The following UMAD1 variants were observed in gnomAD, a reference collection of about 807,000 sequenced individuals.
The protein encoded by UMAD1 is UBAP1-MVB12-associated (UMA)-domain containing protein 1.
UMAD1 carries 8 observed loss-of-function variants against 6.1 expected under a neutral mutation model. The observed-to-expected ratio is 1.30, with a 90% confidence interval of 0.76 to 2.35. The LOEUF (loss-of-function observed/expected upper bound fraction) is 2.35, where lower values mean the gene tolerates loss of function less well. Ranked by LOEUF, UMAD1 falls within the 30% of genes most tolerant of loss-of-function variation. The pLI is 0.00. For missense variants in UMAD1, 130 were observed against 78.4 expected, an observed-to-expected ratio of 1.66 and a Z score of -2.49; for synonymous variants, 56 against 31.4, an observed-to-expected ratio of 1.78 and a Z score of -2.61.
At chr7:7,718,626 T>C (rs1780979400) in intron 2 of UMAD1, 5 of 152,220 alleles carry the variant, frequency 3.3e-5, no homozygotes, top group Admixed American at 3.3e-4. Context: ...CTGATGATGC[T>C]AGGATTTTAT....
At chr7:7,758,296 A>G (rs1781819629) in intron 2 of UMAD1, among the ~76,000 whole-genome samples, 1 of 152,088 alleles carries the variant, frequency 6.6e-6, no homozygotes, top group African/African-American at 2.4e-5. Context: ...AGCCTATCCC[A>G]GTGGTCTTGA....
intron 3 of UMAD1, among the ~76,000 whole-genome samples, chr7:7,802,227 A>G (rs1297377399): frequency 6.6e-6 from 1 of 152,214 alleles, no homozygotes; most frequent in African/African-American, 2.4e-5. Context: ...AAAATATAAA[A>G]ATTAGCTGGG....
intron 2 of UMAD1, among the ~76,000 whole-genome samples, chr7:7,797,296 C>T (rs1782705200): frequency 6.6e-6 from 1 of 152,174 alleles, no homozygotes. Context: ...CAAACACCTC[C>T]CAGCAGGCCC....
intron 2 of UMAD1, among the ~76,000 whole-genome samples, chr7:7,783,423 A>G (rs1184397658): frequency 6.6e-6 from 1 of 152,084 alleles, no homozygotes; most frequent in Non-Finnish European, 1.5e-5. Flanking sequence ...TAAAAGAGAA[A>G]TTCAGATGCT....
intron 2 of UMAD1, among the ~76,000 whole-genome samples, chr7:7,699,871 A>G (rs1780414592): frequency 2.6e-5 from 4 of 152,334 alleles, no homozygotes; most frequent in Non-Finnish European, 5.9e-5. Flanking sequence ...TATAAGTAAT[A>G]CTGTTTATAT....
chr7:7,805,537 A>G (rs1782895894), intron 3 of UMAD1, among the ~76,000 whole-genome samples: 1 of 149,258 alleles, frequency 6.7e-6, no homozygotes, highest in Non-Finnish European at 1.5e-5. Flanking sequence ...CATTCTCCAC[A>G]TAGCAGACAG....
intron 1 of UMAD1, among the ~76,000 whole-genome samples, chr7:7,664,575 C>G (rs552611223): frequency 6.6e-6 from 1 of 152,240 alleles, no homozygotes; most frequent in African/African-American, 2.4e-5. Flanking sequence ...CTTTGCTTTC[C>G]TCTATACCCA....
intron 2 of UMAD1, among the ~76,000 whole-genome samples, chr7:7,711,224 T>C (rs948333998): frequency 2.0e-5 from 3 of 152,200 alleles, no homozygotes; most frequent in African/African-American, 7.2e-5. Context: ...TATTTCCATA[T>C]AATTTCTCCA....
At chr7:7,650,062 T>C (rs1220124907) in intron 1 of UMAD1, among the ~76,000 whole-genome samples, 2 of 152,236 alleles carry the variant, frequency 1.3e-5, no homozygotes, top group Non-Finnish European at 1.5e-5. Context: ...CATGGACAGA[T>C]TAAGAAGCAT....
At chr7:7,719,464 C>T (rs961143920) in intron 2 of UMAD1, among the ~76,000 whole-genome samples, 11 of 152,192 alleles carry the variant, frequency 7.2e-5, no homozygotes, top group African/African-American at 2.4e-4. Context: ...GCCTCATGAG[C>T]ACATGTTTCT....
At chr7:7,798,548 A>G (rs77003727) in intron 2 of UMAD1, among the ~76,000 whole-genome samples, 3,096 of 152,290 alleles carry the variant, frequency 0.02, 42 homozygotes, top group Non-Finnish European at 0.033. Flanking sequence ...CAGATAATCT[A>G]TGGGGCCTAT....
chr7:7,742,219 C>A (rs563982366), intron 2 of UMAD1: 19 of 681,934 alleles, frequency 2.8e-5, no homozygotes, highest in African/African-American at 1.8e-5. Flanking sequence ...TCTTCACAGC[C>A]TGTTTGATCT....
chr7:7,731,395 G>A (rs1425401067), intron 2 of UMAD1, among the ~76,000 whole-genome samples: 6 of 151,492 alleles, frequency 4.0e-5, no homozygotes, highest in Admixed American at 2.6e-4. Flanking sequence ...AGTGTTCAGC[G>A]GTTTAAGCAA....
chr7:7,756,410 G>C (rs1392991391), intron 2 of UMAD1, among the ~76,000 whole-genome samples: 1 of 152,144 alleles, frequency 6.6e-6, no homozygotes, highest in Non-Finnish European at 1.5e-5. Context: ...ATGAAAAAGG[G>C]CATCTGTTGA....
chr7:7,836,957 A>T (rs1448580265), intron 3 of UMAD1, among the ~76,000 whole-genome samples: 1 of 143,690 alleles, frequency 7.0e-6, no homozygotes, highest in African/African-American at 2.8e-5. Context: ...AAAACTATTA[A>T]AAAAAAAAAA....
intron 2 of UMAD1, among the ~76,000 whole-genome samples, chr7:7,787,031 C>A (rs1372300694): frequency 6.6e-6 from 1 of 152,170 alleles, no homozygotes; most frequent in Non-Finnish European, 1.5e-5. Context: ...TTTTTAAAAT[C>A]TGTTTTGCAA....
At chr7:7,720,601 C>G (rs984378678) in intron 2 of UMAD1, among the ~76,000 whole-genome samples, 4 of 152,098 alleles carry the variant, frequency 2.6e-5, no homozygotes, top group African/African-American at 4.8e-5. Context: ...AAGAAATAAA[C>G]TTTCTTCATG....
intron 2 of UMAD1, among the ~76,000 whole-genome samples, chr7:7,790,542 A>G (rs1782548612): frequency 6.6e-6 from 1 of 152,286 alleles, no homozygotes; most frequent in Non-Finnish European, 1.5e-5. Context: ...GTGATTCACT[A>G]TTGCTGTGTC....
chr7:7,726,534 A>G (rs1234896831), intron 2 of UMAD1, among the ~76,000 whole-genome samples: 1 of 152,214 alleles, frequency 6.6e-6, no homozygotes, highest in Non-Finnish European at 1.5e-5. Context: ...TCAGTGTCCA[A>G]TATATGGTAC....
Sources: allele counts gnomAD v4.1 joint callset (sites outside exome capture counted in the v4.1 genomes callset), GRCh38; gene constraint gnomAD v4.1.1; transcripts MANE v1.5; gene names NCBI Gene and HGNC (gene_info 2026-07-23, HGNC 2026-07-21).